Variants in NAV2 observed in about 807,000 individuals in gnomAD.
NAV2 encodes neuron navigator 2.
NAV2 carries 54 observed loss-of-function variants against 223.2 expected under a neutral mutation model. The ratio of observed to expected loss-of-function variants is 0.24; its 90% CI spans 0.19 to 0.30. The LOEUF (loss-of-function observed/expected upper bound fraction) is 0.30, where lower values mean the gene tolerates loss of function less well. Ranked by LOEUF, NAV2 falls within the 10% of genes least tolerant of loss-of-function variation. NAV2 has a pLI of 1.00. For missense variants in NAV2, 2,806 were observed against 3,147.5 expected (o/e 0.89, Z 2.60); for synonymous variants, 1,279 against 1,239.3 (o/e 1.03, Z -0.67).
intron 11 of NAV2, among the ~76,000 whole-genome samples, chr11:20,028,259 G>T (rs2055309636): frequency 6.6e-6 from 1 of 152,108 alleles, no homozygotes; most frequent in Non-Finnish European, 1.5e-5. Context: ...CCTCTGAGTG[G>T]CATTTGGATT....
intron 1 of NAV2, among the ~76,000 whole-genome samples, chr11:19,622,617 G>A (rs1184358161): frequency 6.6e-6 from 1 of 151,996 alleles, no homozygotes; most frequent in African/African-American, 2.4e-5. Flanking sequence ...CATTTGCTTG[G>A]TAGATCTTCC....
chr11:19,745,768 C>T (rs1036743880), intron 1 of NAV2, among the ~76,000 whole-genome samples: 3 of 152,124 alleles, frequency 2.0e-5, no homozygotes, highest in Non-Finnish European at 4.4e-5. Context: ...GGTTCACGCT[C>T]CTGTGAGAAT....
At chr11:19,378,835 G>T (rs1848734210) in intron 1 of NAV2, among the ~76,000 whole-genome samples, 1 of 152,106 alleles carries the variant, frequency 6.6e-6, no homozygotes, top group African/African-American at 2.4e-5. Context: ...GTCATGCACT[G>T]GCACCCCGCT....
intron 13 of NAV2, 75 bp downstream of exon 13, chr11:20,044,347 C>T (rs2153583975): frequency 7.6e-7 from 1 of 1,309,586 alleles, no homozygotes; most frequent in Non-Finnish European, 1.0e-6. Context: ...CTAGCAAGGA[C>T]TTGACATTAT....
Position 19,611,868 on chromosome 11 carries a change from C to A in NAV2, c.76-220616C>A, listed in dbSNP as rs149983897. The stretch of plus-strand genomic sequence containing the variant: ...GCCCTCTTCTCACAGCTACACTAGG[C>A]AGTGCCCCAGTAAGGACTCTGTGTG... On this transcript the variant is annotated intron_variant, in intron 1 of 37. Transcript: ENST00000360655. Among the ~76,000 whole-genome samples the A allele has an allele frequency of 6.3e-3, 957 of 152,362 alleles. 8 individuals carry two copies. Among genetic ancestry groups the A allele is most frequent in the African/African-American group, 0.022 (907 of 41,592 alleles).
At chr11:19,588,597 G>C (rs979384680) in intron 1 of NAV2, among the ~76,000 whole-genome samples, 2 of 152,224 alleles carry the variant, frequency 1.3e-5, no homozygotes, top group African/African-American at 4.8e-5. Flanking sequence ...GGTTCAAACA[G>C]AAGAAGTGGT....
At chr11:19,860,081 C>A (rs1312970289) in intron 3 of NAV2, among the ~76,000 whole-genome samples, 1 of 120,988 alleles carries the variant, frequency 8.3e-6, no homozygotes, top group Non-Finnish European at 1.8e-5. Flanking sequence ...GGCGGCTGGC[C>A]GGGCAGAGGG....
intron 5 of NAV2, among the ~76,000 whole-genome samples, chr11:19,889,504 CTT>C (rs1264273650): frequency 6.6e-6 from 1 of 152,164 alleles, no homozygotes; most frequent in Non-Finnish European, 1.5e-5. Flanking sequence ...CTGGCTTGAG[CTT>C]TTTGGTGGCT....
At chr11:19,939,840 A>C in intron 8 of NAV2, 67 bp downstream of exon 8, 1 of 1,110,354 alleles carries the variant, frequency 9.0e-7, no homozygotes, top group Non-Finnish European at 1.3e-6. Flanking sequence ...ACCTGCTGGA[A>C]CAGCATGAAC....
At chr11:19,927,411 A>G (rs1169181339) in intron 6 of NAV2, among the ~76,000 whole-genome samples, 1 of 152,154 alleles carries the variant, frequency 6.6e-6, no homozygotes, top group South Asian at 2.1e-4. Context: ...GTGAAACCCC[A>G]TCTCTACTAA....
intron 20 of NAV2, among the ~76,000 whole-genome samples, chr11:20,067,571 G>A (rs1034897439): frequency 2.6e-4 from 40 of 151,878 alleles, no homozygotes; most frequent in African/African-American, 9.4e-4. Flanking sequence ...TCCACCTCCT[G>A]GGTTCAAGCC....
chr11:20,085,568 G>T (rs964036944), intron 26 of NAV2, among the ~76,000 whole-genome samples: 1 of 152,226 alleles, frequency 6.6e-6, no homozygotes, highest in Non-Finnish European at 1.5e-5. Context: ...GAGCCACTGG[G>T]TTAGTTTCAG....
At chr11:20,097,450 A>G (rs1365846682) in intron 30 of NAV2, 127 bp from the exon 31 acceptor site, 15 of 758,502 alleles carry the variant, frequency 2.0e-5, no homozygotes, top group Non-Finnish European at 2.8e-5. Flanking sequence ...CTCATCCCAC[A>G]GCTCAATTTC....
chr11:19,391,486 A>G (rs1311112249), intron 1 of NAV2, among the ~76,000 whole-genome samples: 7 of 152,176 alleles, frequency 4.6e-5, no homozygotes, highest in African/African-American at 1.7e-4. Context: ...AAGTATTTTA[A>G]ACCTTATCAA....
intron 1 of NAV2, among the ~76,000 whole-genome samples, chr11:19,667,011 C>A (rs1335707934): frequency 1.3e-5 from 2 of 152,180 alleles, no homozygotes; most frequent in Non-Finnish European, 2.9e-5. Context: ...AGGCCCTCCC[C>A]AGCCTCCCTC....
intron 19 of NAV2, chr11:20,056,570 T>C (rs1216793023): frequency 6.2e-7 from 1 of 1,613,972 alleles, no homozygotes; most frequent in African/African-American, 1.3e-5. Flanking sequence ...TTGTCAGCCG[T>C]CTTCACAGCT....
Position 19,592,700 on chromosome 11 carries a change from C to T in NAV2, c.76-239784C>T, listed in dbSNP as rs375543508. ...AGGGATTTTTAAAAACTTGTGATAA[C>T]AAGTTTATTGTTAGCATTAACTAAG... On this transcript the variant is annotated intron_variant, in intron 1 of 37. Transcript: ENST00000360655. Among the ~76,000 whole-genome samples the T allele has an allele frequency of 1.4e-3, 220 of 152,100 alleles. 2 individuals are homozygous for T. Among genetic ancestry groups the T allele is most frequent in the South Asian group, 7.3e-3 (35 of 4,806 alleles).
At chr11:19,975,913 G>A (rs1361931314) in intron 10 of NAV2, among the ~76,000 whole-genome samples, 10 of 152,180 alleles carry the variant, frequency 6.6e-5, no homozygotes, top group Non-Finnish European at 8.8e-5. Flanking sequence ...GCTTTCACTC[G>A]TTTCTCCAAA....
intron 1 of NAV2, among the ~76,000 whole-genome samples, chr11:19,545,701 C>T (rs2044477512): frequency 6.6e-6 from 1 of 152,144 alleles, no homozygotes; most frequent in South Asian, 2.1e-4. Flanking sequence ...CCCAGGGTGG[C>T]TTTAAATGCA....
Sources: allele counts gnomAD v4.1 joint callset (sites outside exome capture counted in the v4.1 genomes callset), GRCh38; gene constraint gnomAD v4.1.1; transcripts MANE v1.5; gene names NCBI Gene and HGNC (gene_info 2026-07-23, HGNC 2026-07-21).